Variants in GULP1 observed in about 807,000 individuals in gnomAD.
The protein encoded by GULP1 is PTB domain-containing engulfment adapter protein 1.
A neutral mutation model predicts 40.9 loss-of-function variants in GULP1; 19 were observed. The observed-to-expected ratio is 0.46, with a 90% CI of 0.32 to 0.68. The LOEUF (loss-of-function observed/expected upper bound fraction) is 0.68. Ranked by LOEUF, GULP1 falls within the 30% of genes least tolerant of loss-of-function variation. The probability of loss-of-function intolerance (pLI) is 0.03; values close to 1 mark genes in which losing one functional copy is unlikely to be tolerated. For missense variants in GULP1, 312 were observed against 362.2 expected (o/e 0.86, Z 1.12); for synonymous variants, 119 against 117.6 (o/e 1.01, Z -0.08).
At chr2:188,542,112 A>G (rs1477018731) in intron 7 of GULP1, 2 of 150,638 alleles carry the variant, frequency 1.3e-5, no homozygotes, top group Non-Finnish European at 3.0e-5. Flanking sequence ...TCTCAAGAGA[A>G]AAAAAAAAAA....
At chr2:188,405,605 T>A (rs949683245) in intron 2 of GULP1, among the ~76,000 whole-genome samples, 3 of 152,200 alleles carry the variant, frequency 2.0e-5, no homozygotes, top group Admixed American at 6.5e-5. Flanking sequence ...TGATGTAGGT[T>A]CCAGACCCAA....
intron 2 of GULP1, among the ~76,000 whole-genome samples, chr2:188,456,353 GA>G (rs759562555): frequency 2.9e-4 from 44 of 152,276 alleles, no homozygotes; most frequent in Non-Finnish European, 5.4e-4. Flanking sequence ...GGCTGGGCCT[GA>G]GGTCCCCGTG....
intron 1 of GULP1, among the ~76,000 whole-genome samples, chr2:188,306,472 A>C (rs886642737): frequency 3.3e-5 from 5 of 152,186 alleles, no homozygotes; most frequent in African/African-American, 1.2e-4. Flanking sequence ...TATTATAAAA[A>C]CGTTCTCTTG....
At chr2:188,414,511 G>A (rs985798223) in intron 2 of GULP1, among the ~76,000 whole-genome samples, 1 of 152,080 alleles carries the variant, frequency 6.6e-6, no homozygotes, top group Non-Finnish European at 1.5e-5. Context: ...CATAAGTTGT[G>A]TATTTTTTAG....
intron 4 of GULP1, among the ~76,000 whole-genome samples, chr2:188,499,303 A>AT (rs953771841): frequency 1.5e-4 from 23 of 150,032 alleles, no homozygotes; most frequent in Admixed American, 2.7e-4. Context: ...AAAAGCCTGG[A>AT]TTTTTTTTTC....
At chr2:188,464,455 G>A (rs2059955347) in intron 2 of GULP1, among the ~76,000 whole-genome samples, 1 of 152,174 alleles carries the variant, frequency 6.6e-6, no homozygotes, top group African/African-American at 2.4e-5. Flanking sequence ...GGTCAGACCT[G>A]AAGCCAGCAC....
chr2:188,470,663 A>G (rs2060514890), intron 2 of GULP1, among the ~76,000 whole-genome samples: 1 of 152,004 alleles, frequency 6.6e-6, no homozygotes, highest in South Asian at 2.1e-4. Context: ...CAATTTCTTC[A>G]CTAACCCACT....
At chr2:188,450,717 C>T (rs1197681998) in intron 2 of GULP1, among the ~76,000 whole-genome samples, 1 of 152,058 alleles carries the variant, frequency 6.6e-6, no homozygotes, top group Non-Finnish European at 1.5e-5. Flanking sequence ...CTTTTTGAGA[C>T]AAAGATGTTT....
intron 3 of GULP1, among the ~76,000 whole-genome samples, chr2:188,478,887 C>T (rs1199346211): frequency 1.3e-5 from 2 of 152,036 alleles, no homozygotes; most frequent in African/African-American, 4.8e-5. Context: ...TAAAAGGTTA[C>T]AGTGTTAACT....
intron 9 of GULP1, among the ~76,000 whole-genome samples, chr2:188,574,074 G>T (rs1483819635): frequency 6.6e-6 from 1 of 152,140 alleles, no homozygotes. Flanking sequence ...ATCTGGATAT[G>T]CTGGTCTAAC....
chr2:188,459,340 C>A (rs1414703112), intron 2 of GULP1, among the ~76,000 whole-genome samples: 1 of 152,148 alleles, frequency 6.6e-6, no homozygotes, highest in East Asian at 1.9e-4. Flanking sequence ...CTTTTCTCCA[C>A]ATTCTCGCTA....
At chr2:188,537,390 T>C (rs989359524) in intron 6 of GULP1, among the ~76,000 whole-genome samples, 1 of 152,112 alleles carries the variant, frequency 6.6e-6, no homozygotes. Context: ...GATTTTATCA[T>C]GAAGGAATGC....
At chr2:188,375,127 G>T (rs558966510) in intron 1 of GULP1, among the ~76,000 whole-genome samples, 4 of 152,138 alleles carry the variant, frequency 2.6e-5, no homozygotes, top group Non-Finnish European at 4.4e-5. Flanking sequence ...ATGGCTAACA[G>T]CAGACAAATT....
chr2:188,480,719 A>G (rs996299706), intron 3 of GULP1, among the ~76,000 whole-genome samples: 4 of 151,746 alleles, frequency 2.6e-5, no homozygotes, highest in Admixed American at 6.6e-5. Flanking sequence ...AAAAAATTTT[A>G]TATTCTATTT....
intron 6 of GULP1, among the ~76,000 whole-genome samples, chr2:188,534,934 C>G (rs1688527810): frequency 6.6e-6 from 1 of 151,810 alleles, no homozygotes; most frequent in Admixed American, 6.6e-5. Flanking sequence ...ATTGCCTTAC[C>G]AAAATCAATA....
intron 1 of GULP1, among the ~76,000 whole-genome samples, chr2:188,363,055 G>A (rs2046305362): frequency 6.6e-6 from 1 of 152,034 alleles, no homozygotes; most frequent in Non-Finnish European, 1.5e-5. Flanking sequence ...AATTTCCTAG[G>A]AGTTATGGAA....
At chr2:188,482,090 T>A (rs2061488109) in intron 3 of GULP1, among the ~76,000 whole-genome samples, 1 of 151,948 alleles carries the variant, frequency 6.6e-6, no homozygotes. Context: ...GGCTATCATA[T>A]ATTCACTCTA....
intron 7 of GULP1, among the ~76,000 whole-genome samples, chr2:188,544,367 A>T (rs1321727127): frequency 1.3e-5 from 2 of 152,008 alleles, no homozygotes; most frequent in African/African-American, 4.8e-5. Context: ...GAGAATGTAG[A>T]AAATCTTATC....
chr2:188,570,065 A>G lies in GULP1; in HGVS notation c.554A>G (p.Asn185Ser). The stretch of plus-strand genomic sequence containing the variant: ...GAAACAGAAAATATGGAACTTAAAA[A>G]TAAAGTACAAGATTTGGAAAACCAA... ...DLETENMELK[N>S]KVQDLENQLR... The change falls in exon 9 of 12, where the codon AAT (asparagine) becomes AGT (serine). Residue 185 changes from asparagine (N) to serine (S), a missense_variant. Physicochemically the swap from Asn to Ser is conservative, Grantham distance 46. Coordinates refer to ENST00000409830, the MANE Select transcript of GULP1 (RefSeq NM_016315.4). 2 of 1,454,750 alleles carry G rather than the reference A, an allele frequency of 1.4e-6. No homozygotes were observed. The highest frequency in any genetic ancestry group is 1.2e-5 in the South Asian group (1 of 82,902). 90.1% of individuals were successfully genotyped at this position (1,454,750 alleles called of 1,614,324 possible).
Sources: gnomAD v4.1 joint callset for allele counts (sites outside exome capture counted in the v4.1 genomes callset) on GRCh38, gnomAD v4.1.1 for gene constraint, MANE v1.5 for transcripts, NCBI Gene and HGNC (gene_info 2026-07-23, HGNC 2026-07-21) for gene names.